Variants in ADARB2 observed in about 807,000 individuals in gnomAD.
ADARB2 encodes the protein adenosine deaminase RNA specific B2 (inactive).
In ADARB2, 25 loss-of-function variants were observed where a neutral mutation model predicts 62.2. The ratio of observed to expected loss-of-function variants is 0.40; its 90% CI spans 0.29 to 0.56. ADARB2 has a LOEUF of 0.56. Among genes scored for constraint, ADARB2 ranks in the 20% least tolerant of loss-of-function variants. The pLI, the probability that ADARB2 is intolerant of heterozygous loss-of-function variation, is 0.43. For synonymous variants in ADARB2, 572 were observed against 500.8 expected, an observed-to-expected ratio of 1.14 and a Z score of -1.90; for missense variants, 1,071 against 1,077.4, an observed-to-expected ratio of 0.99 and a Z score of 0.08.
chr10:1,737,214 C>T lies in ADARB2; in HGVS notation c.-64G>A. ...CCTGCACCTGCACCTGCCTCCTTCC[C>T]GGCAGCCGCCGCCGCCGCTGCTGCG... is the stretch of plus-strand genomic sequence containing the variant. On this transcript the variant is annotated 5_prime_UTR_variant, in exon 1 of 10. Coordinates refer to ENST00000381312, the MANE Select transcript of ADARB2 (RefSeq NM_018702.4). 1.3e-6 allele frequency: 2 copies of T among 1,536,806 alleles called. No homozygotes were observed. Among genetic ancestry groups the T allele is most frequent in the Non-Finnish European group, 1.8e-6 (2 of 1,126,794 alleles).
chr10:1,459,941 C>CAAACCTGCCTGTGACCTGAGTTTACCTGT (rs1564295491), intron 1 of ADARB2, among the ~76,000 whole-genome samples: 1 of 112,492 alleles, frequency 8.9e-6, no homozygotes, highest in South Asian at 3.1e-4. Context: ...AGTTTACCTG[C>CAAACCTGCCTGTGACCTGAGTTTACCTGT]GTTACGAACC....
intron 1 of ADARB2, among the ~76,000 whole-genome samples, chr10:1,602,637 C>G (rs1833431346): frequency 6.8e-6 from 1 of 147,656 alleles, no homozygotes; most frequent in Admixed American, 6.8e-5. Flanking sequence ...CATCCACATA[C>G]ATATGCACAC....
At chr10:1,678,081 G>T in intron 1 of ADARB2, 1 of 801,908 alleles carries the variant, frequency 1.2e-6, no homozygotes, top group Non-Finnish European at 1.5e-6. Context: ...CAGGCCTAGT[G>T]GTTTTAAAGG....
chr10:1,594,389 G>C (rs1274924072), intron 1 of ADARB2, among the ~76,000 whole-genome samples: 1 of 152,162 alleles, frequency 6.6e-6, no homozygotes, highest in East Asian at 1.9e-4. Flanking sequence ...TGTCCACATA[G>C]CTGTAGGTTT....
Position 1,182,143 on chromosome 10 carries a change from G to T in ADARB2, c.*1050C>A, listed in dbSNP as rs1428863259. ...GGTAGCCTCTCAAGCTGAAGGTAAAGGTTGTTTTGATTTTATTTTGTGCTT... is the reference window on the plus strand; with the variant it reads ...GGTAGCCTCTCAAGCTGAAGGTAAATGTTGTTTTGATTTTATTTTGTGCTT... On this transcript the variant is annotated 3_prime_UTR_variant, in exon 10 of 10. Transcript: ENST00000381312. 8 of 152,328 alleles carry T rather than the reference G, an allele frequency of 5.3e-5. No homozygotes were observed. The highest frequency in any genetic ancestry group is 1.9e-4 in the East Asian group (1 of 5,186). The allele number at this position is 152,328 out of a possible 1,614,324, so 9.4% of individuals were successfully genotyped here.
chr10:1,473,433 AGTGCAGTG>A (rs1831354300), intron 1 of ADARB2, among the ~76,000 whole-genome samples: 1 of 151,630 alleles, frequency 6.6e-6, no homozygotes, highest in Non-Finnish European at 1.5e-5. Context: ...CTCGGGCTGG[AGTGCAGTG>A]GTGTGATGTC....
intron 1 of ADARB2, among the ~76,000 whole-genome samples, chr10:1,608,171 C>G (rs2132018907): frequency 6.6e-6 from 1 of 152,294 alleles, no homozygotes; most frequent in Non-Finnish European, 1.5e-5. Flanking sequence ...AAGTCTGTGC[C>G]AACGTCTGGA....
At chr10:1,626,484 T>C (rs1172277492) in intron 1 of ADARB2, among the ~76,000 whole-genome samples, 1 of 152,232 alleles carries the variant, frequency 6.6e-6, no homozygotes, top group African/African-American at 2.4e-5. Context: ...CGGGGCTTCC[T>C]CTGCTCAGCA....
At chr10:1,558,760 CCA>C (rs1564330247) in intron 1 of ADARB2, among the ~76,000 whole-genome samples, 3 of 151,804 alleles carry the variant, frequency 2.0e-5, no homozygotes, top group Non-Finnish European at 1.5e-5. Flanking sequence ...CACCTCCGCC[CCA>C]CTCCGTGGGT....
At chr10:1,271,735 A>G (rs1831265347) in intron 3 of ADARB2, among the ~76,000 whole-genome samples, 1 of 152,226 alleles carries the variant, frequency 6.6e-6, no homozygotes, top group African/African-American at 2.4e-5. Context: ...GGAAGACAGC[A>G]CACACAGTGT....
chr10:1,242,756 C>T (rs1244409852), intron 4 of ADARB2, among the ~76,000 whole-genome samples: 2 of 152,038 alleles, frequency 1.3e-5, no homozygotes, highest in Non-Finnish European at 2.9e-5. Flanking sequence ...ATGAACCCTT[C>T]ACCCTAACAC....
intron 6 of ADARB2, among the ~76,000 whole-genome samples, chr10:1,223,330 G>A (rs573188193): frequency 6.6e-6 from 1 of 152,202 alleles, no homozygotes; most frequent in Non-Finnish European, 1.5e-5. Flanking sequence ...AGACGATGGG[G>A]TTTTCTAGAT....
At chr10:1,603,137 A>AAACACACACACACCTGTACACACATT (rs535170316) in intron 1 of ADARB2, among the ~76,000 whole-genome samples, 1 of 151,022 alleles carries the variant, frequency 6.6e-6, no homozygotes, top group Non-Finnish European at 1.5e-5. Context: ...ATACACACAT[A>AAACACACACACACCTGTACACACATT]AACACACACA....
chr10:1,217,454 C>T (rs1312714839), intron 6 of ADARB2, among the ~76,000 whole-genome samples: 1 of 152,240 alleles, frequency 6.6e-6, no homozygotes, highest in East Asian at 1.9e-4. Context: ...GCCACCGCGT[C>T]CTCAATGCTT....
intron 1 of ADARB2, among the ~76,000 whole-genome samples, chr10:1,475,768 A>G (rs1001316041): frequency 7.9e-5 from 12 of 152,220 alleles, no homozygotes; most frequent in South Asian, 4.1e-4. Context: ...GGGCTGCCCA[A>G]TGGAAAGAAA....
chr10:1,586,834 G>A (rs550954389), intron 1 of ADARB2, among the ~76,000 whole-genome samples: 2 of 152,150 alleles, frequency 1.3e-5, no homozygotes, highest in Admixed American at 1.3e-4. Context: ...GTAGCATAAA[G>A]AAATATATAA....
At chr10:1,313,512 T>C (rs1254919520) in intron 3 of ADARB2, among the ~76,000 whole-genome samples, 3 of 152,152 alleles carry the variant, frequency 2.0e-5, no homozygotes, top group Non-Finnish European at 4.4e-5. Context: ...TGTGGGCCAA[T>C]TGTAGTGACA....
chr10:1,710,248 G>A (rs2119150886), intron 1 of ADARB2, among the ~76,000 whole-genome samples: 1 of 152,264 alleles, frequency 6.6e-6, no homozygotes, highest in Non-Finnish European at 1.5e-5. Context: ...CCTGGCTGTG[G>A]TTTCCCCCTC....
intron 1 of ADARB2, among the ~76,000 whole-genome samples, chr10:1,599,203 CAA>C (rs1255078106): frequency 1.3e-5 from 2 of 152,160 alleles, no homozygotes; most frequent in African/African-American, 4.8e-5. Context: ...ACTCGCTTGA[CAA>C]AGAGTTTCAG....
Sources: gnomAD v4.1 joint callset for allele counts (sites outside exome capture counted in the v4.1 genomes callset) on GRCh38, gnomAD v4.1.1 for gene constraint, MANE v1.5 for transcripts, NCBI Gene and HGNC (gene_info 2026-07-23, HGNC 2026-07-21) for gene names.